The following BAIAP2 variants were observed in gnomAD, a reference collection of about 807,000 sequenced individuals.
BAIAP2 encodes BAR/IMD domain containing adaptor protein 2.
BAIAP2 carries 18 observed loss-of-function variants against 63.0 expected under a neutral mutation model. The ratio of observed to expected loss-of-function variants is 0.29; its 90% CI spans 0.20 to 0.42. The LOEUF is 0.42. BAIAP2 is among the 10% of genes least tolerant of loss of function. BAIAP2 has a pLI of 1.00. For synonymous variants in BAIAP2, 386 were observed against 307.6 expected (o/e 1.25, Z -2.67); for missense variants, 610 against 734.3 (o/e 0.83, Z 1.96).
At chr17:81,051,688 G>A (rs987511548) in intron 1 of BAIAP2, among the ~76,000 whole-genome samples, 11 of 151,894 alleles carry the variant, frequency 7.2e-5, no homozygotes, top group African/African-American at 2.7e-4. Context: ...CACCGTGTCC[G>A]GCCTGTTTTA....
chr17:81,101,245 A>G (rs980134807), intron 7 of BAIAP2, among the ~76,000 whole-genome samples: 6 of 152,068 alleles, frequency 3.9e-5, no homozygotes, highest in African/African-American at 1.2e-4. Context: ...GCCCTGCTGA[A>G]CCAGGAGCGA....
intron 12 of BAIAP2, 142 bp downstream of exon 12, chr17:81,107,049 G>A (rs2059268981): frequency 6.6e-6 from 7 of 1,061,428 alleles, no homozygotes; most frequent in Non-Finnish European, 9.2e-6. Flanking sequence ...AAGGCTGCAT[G>A]ATTTGGGAAT....
intron 9 of BAIAP2, 74 bp from the exon 10 acceptor site, chr17:81,104,440 C>G: frequency 2.0e-6 from 3 of 1,484,736 alleles, no homozygotes; most frequent in Admixed American, 2.0e-5. Flanking sequence ...CTCTCAGCAC[C>G]TCAACCAGAC....
intron 3 of BAIAP2, among the ~76,000 whole-genome samples, chr17:81,078,105 C>T (rs975457998): frequency 2.9e-5 from 4 of 139,416 alleles, no homozygotes; most frequent in East Asian, 4.3e-4. Context: ...GTGCGGGTGT[C>T]GTCTTGGGTG....
At chr17:81,109,618 CGGCCGCTCCTGTGAGGGAGGCCG>C in intron 13 of BAIAP2, 1 of 985,328 alleles carries the variant, frequency 1.0e-6, no homozygotes, top group Non-Finnish European at 1.2e-6. Flanking sequence ...CTGAGGAAGC[CGGCCGCTCCTGTGAGGGAGGCCG>C]GGCCCGGGCA....
intron 1 of BAIAP2, chr17:81,036,036 G>C (rs907998987): frequency 1.3e-5 from 2 of 152,240 alleles, no homozygotes; most frequent in Non-Finnish European, 2.9e-5. Flanking sequence ...TGGCATCCAC[G>C]TTCTCGTCTG....
Position 81,035,291 on chromosome 17 carries a change from A to G in BAIAP2, c.37A>G (p.Thr13Ala). The G allele has an allele frequency of 1.3e-6, 2 of 1,510,562 alleles. No homozygotes were observed. Among genetic ancestry groups the G allele is most frequent in the Non-Finnish European group, 1.8e-6 (2 of 1,124,884 alleles). The allele number at this position is 1,510,562 out of a possible 1,614,324, so 93.6% of individuals were successfully genotyped here. Residue 13 changes from threonine to alanine, a missense_variant, in exon 1 of 14, where the codon ACG (threonine) becomes GCG (alanine). Around this residue, in one of 5 missense-constraint regions of BAIAP2, gnomAD observed 389 missense variants for 455.6 expected, o/e 0.85. Transcript: ENST00000428708. ...TCGCTCAGAGGAGATGCACCGGCTC[A>G]CGGAAAATGTCTATAAGGTGAGCGC... is the stretch of plus-strand genomic sequence containing the variant. ...LSRSEEMHRL[T>A]ENVYKTIMEQ...
At chr17:81,107,769 C>T (rs573995840) in intron 12 of BAIAP2, 2 of 152,422 alleles carry the variant, frequency 1.3e-5, no homozygotes, top group Non-Finnish European at 2.9e-5. Context: ...TATTGACCCA[C>T]AAGTGAGGAG....
At chr17:81,055,059 C>T (rs1252311613) in intron 2 of BAIAP2, among the ~76,000 whole-genome samples, 2 of 152,212 alleles carry the variant, frequency 1.3e-5, no homozygotes, top group Non-Finnish European at 2.9e-5. Flanking sequence ...ACACGTGCTG[C>T]GTCTCTGCCG....
At chr17:81,114,615 C>A (rs543506939) in intron 13 of BAIAP2, among the ~76,000 whole-genome samples, 2 of 152,352 alleles carry the variant, frequency 1.3e-5, no homozygotes, top group Non-Finnish European at 2.9e-5. Flanking sequence ...ACCTGTCAGT[C>A]TCTTCCACGT....
chr17:81,038,341 C>T (rs764503486), intron 1 of BAIAP2, among the ~76,000 whole-genome samples: 3 of 152,208 alleles, frequency 2.0e-5, no homozygotes, highest in Admixed American at 6.5e-5. Context: ...CTCAAGGTCT[C>T]GTGTCCGCAG....
chr17:81,051,500 A>G (rs1298436316), intron 1 of BAIAP2, among the ~76,000 whole-genome samples: 1 of 152,124 alleles, frequency 6.6e-6, no homozygotes, highest in African/African-American at 2.4e-5. Flanking sequence ...CCCAGGTTCA[A>G]GCGATTCTCC....
At chr17:81,035,357 TCGCGCGCCGCC>T (rs2046065399) in intron 1 of BAIAP2, 49 bp downstream of exon 1, 3 of 1,171,828 alleles carry the variant, frequency 2.6e-6, no homozygotes, top group Non-Finnish European at 3.2e-6. Context: ...TGCGCCTGGG[TCGCGCGCCGCC>T]CGCGCGCCCG....
chr17:81,065,801 CTG>C (rs1015210341), intron 3 of BAIAP2, among the ~76,000 whole-genome samples: 17 of 152,244 alleles, frequency 1.1e-4, no homozygotes, highest in Non-Finnish European at 1.8e-4. Context: ...GGCTCTAGCA[CTG>C]TGTGCCAGAA....
chr17:81,071,410 G>T (rs992601339), intron 3 of BAIAP2, among the ~76,000 whole-genome samples: 1 of 152,196 alleles, frequency 6.6e-6, no homozygotes, highest in Admixed American at 6.5e-5. Flanking sequence ...GAGCTCTCGA[G>T]GTGCCTTTGG....
chr17:81,078,759 C>T (rs949457767), intron 3 of BAIAP2, among the ~76,000 whole-genome samples: 23 of 152,142 alleles, frequency 1.5e-4, no homozygotes, highest in South Asian at 6.2e-4. Flanking sequence ...CTGCAGCCTC[C>T]GCTCCTCTCT....
At chr17:81,041,016 G>A (rs927969961) in intron 1 of BAIAP2, among the ~76,000 whole-genome samples, 5 of 152,234 alleles carry the variant, frequency 3.3e-5, no homozygotes, top group Non-Finnish European at 7.4e-5. Flanking sequence ...TCTGGCGGGG[G>A]CCCGTTTCTG....
intron 3 of BAIAP2, chr17:81,083,059 A>G (rs1321725654): frequency 6.6e-6 from 1 of 152,316 alleles, no homozygotes; most frequent in Admixed American, 6.5e-5. Context: ...GGACCCGGAG[A>G]GGCTTCCTCT....
intron 6 of BAIAP2, among the ~76,000 whole-genome samples, chr17:81,088,009 A>C (rs1232136007): frequency 6.6e-6 from 1 of 152,132 alleles, no homozygotes; most frequent in East Asian, 1.9e-4. Flanking sequence ...GAACCTGAGC[A>C]GTGGGCATGG....
Sources: allele counts gnomAD v4.1 joint callset (sites outside exome capture counted in the v4.1 genomes callset), GRCh38; gene constraint gnomAD v4.1.1; regional missense constraint gnomAD v4.1.1; transcripts MANE v1.5; gene names NCBI Gene and HGNC (gene_info 2026-07-23, HGNC 2026-07-21).